SH3RF2: variants seen among roughly 807,000 people sequenced by gnomAD.
SH3RF2 encodes E3 ubiquitin-protein ligase SH3RF2.
Under a neutral mutation model 59.0 loss-of-function variants are expected in SH3RF2, and 43 were observed. That is an observed-to-expected ratio of 0.73 (90% CI 0.57 to 0.94). The LOEUF is 0.94. Ranked by LOEUF, SH3RF2 falls within the 40% of genes least tolerant of loss-of-function variation. SH3RF2 has a pLI of 0.00. For synonymous variants in SH3RF2, 391 were observed against 391.5 expected, an observed-to-expected ratio of 1.00 and a Z score of 0.01; for missense variants, 930 against 940.1, an observed-to-expected ratio of 0.99 and a Z score of 0.14.
chr5:145,980,897 C>A (rs2149969055), intron 2 of SH3RF2, among the ~76,000 whole-genome samples: 1 of 152,258 alleles, frequency 6.6e-6, no homozygotes, highest in Admixed American at 6.5e-5. Flanking sequence ...GCATCTATAT[C>A]CCATTCACTT....
chr5:146,076,767 C>T lies in SH3RF2; in HGVS notation c.*34-1693C>T, dbSNP rs1206717854. Among the ~76,000 whole-genome samples the T allele has an allele frequency of 2.6e-5, 4 of 152,234 alleles. No homozygotes were observed. The South Asian group carries it at 6.2e-4, about 24-fold the overall frequency. On this transcript the variant is annotated intron_variant, in intron 9 of 9. Coordinates refer to the SH3RF2 transcript ENST00000511217. ...GGTTGTCTGCTTGAAAATTGGGGCT[C>T]CTCTGGTACATTCAGTCTCTGGAGC...
chr5:145,984,345 C>T (rs1745314923), intron 2 of SH3RF2, among the ~76,000 whole-genome samples: 1 of 151,988 alleles, frequency 6.6e-6, no homozygotes, highest in African/African-American at 2.4e-5. Flanking sequence ...CAATGGCTTA[C>T]AAAAGAGGAA....
At chr5:145,971,611 A>G (rs1209147221) in intron 2 of SH3RF2, among the ~76,000 whole-genome samples, 1 of 152,172 alleles carries the variant, frequency 6.6e-6, no homozygotes, top group East Asian at 1.9e-4. Flanking sequence ...GGCCCAGCAG[A>G]AATATAAAGC....
In SH3RF2 at chr5:146,055,992, G is replaced by A; in HGVS notation, c.1334G>A (p.Ser445Asn). Residue 445 changes from serine to asparagine, a missense_variant, in exon 8 of 10, where the codon AGT becomes AAT. Physicochemically the swap from Ser to Asn is conservative, Grantham distance 46. Transcript: ENST00000359120. ...TTTTCCAAAACCAGAAAGACCTCTAGTTTTCCAGACTCCCGGAGCCCTGGT... is the reference window on the plus strand; with the variant it reads ...TTTTCCAAAACCAGAAAGACCTCTAATTTTCCAGACTCCCGGAGCCCTGGT... ...YVIPIFRKTS[S>N]FPDSRSPGLY... The A allele has an allele frequency of 6.2e-7, 1 of 1,611,672 alleles. No individual in the cohort carries two copies. Among genetic ancestry groups the A allele is most frequent in the Non-Finnish European group, 8.5e-7 (1 of 1,179,082 alleles).
chr5:146,078,863 C>G (rs34585648), exon 10 of SH3RF2: 1,838 of 152,314 alleles, frequency 0.012, 37 homozygotes, highest in African/African-American at 0.039. Flanking sequence ...GTGGTCTGGC[C>G]TGTCTCTCCA....
chr5:145,958,197 T>C (rs1195178498), intron 2 of SH3RF2, among the ~76,000 whole-genome samples: 1 of 152,160 alleles, frequency 6.6e-6, no homozygotes, highest in African/African-American at 2.4e-5. Context: ...TCACTAGAAC[T>C]CTTGGAGCCT....
In SH3RF2 at chr5:145,995,112, C is replaced by G. The variant is rs1041063930; in HGVS notation, c.379-4946C>G. ...CAGGATGGGTGTGGAAGCTCTGAAA[C>G]CCAGGCCCCTTCCCTATTAGGTGTG... On this transcript the variant is annotated intron_variant, in intron 2 of 9. Coordinates refer to ENST00000359120, the MANE Select transcript of SH3RF2 (RefSeq NM_152550.4). 2.0e-5 allele frequency among the ~76,000 whole-genome samples: 3 copies of G among 152,008 alleles called. No homozygotes were observed. In the South Asian group the frequency reaches 6.2e-4, roughly 32 times the overall value.
At chr5:145,959,110 G>A (rs1296815556) in intron 2 of SH3RF2, among the ~76,000 whole-genome samples, 1 of 152,136 alleles carries the variant, frequency 6.6e-6, no homozygotes, top group African/African-American at 2.4e-5. Flanking sequence ...ACATGAAAGG[G>A]ATGAAAAAGG....
chr5:146,046,177 T>C (rs1452498965), intron 5 of SH3RF2, among the ~76,000 whole-genome samples: 2 of 152,152 alleles, frequency 1.3e-5, no homozygotes, highest in Admixed American at 6.5e-5. Context: ...TCACAATCCT[T>C]TATACAATTG....
chr5:145,998,319 T>C (rs561765641), intron 2 of SH3RF2, among the ~76,000 whole-genome samples: 24 of 150,190 alleles, frequency 1.6e-4, no homozygotes, highest in Admixed American at 1.0e-3. Flanking sequence ...CCAGTGAGAC[T>C]AAAATCTGAA....
chr5:145,975,583 C>G (rs999212284), intron 2 of SH3RF2, among the ~76,000 whole-genome samples: 3 of 152,212 alleles, frequency 2.0e-5, no homozygotes, highest in African/African-American at 7.2e-5. Context: ...CAGCTGGTTC[C>G]CTCTGTGCAC....
chr5:146,073,754 A>G (rs574646601), intron 9 of SH3RF2, among the ~76,000 whole-genome samples: 36 of 152,272 alleles, frequency 2.4e-4, no homozygotes, highest in African/African-American at 8.7e-4. Flanking sequence ...CAACACAGAT[A>G]AGGTTCCTAC....
At chr5:145,955,135 G>A (rs1317012929) in intron 2 of SH3RF2, among the ~76,000 whole-genome samples, 3 of 152,168 alleles carry the variant, frequency 2.0e-5, no homozygotes, top group South Asian at 2.1e-4. Flanking sequence ...TATCAGTAAC[G>A]AAGGGGGTTG....
At chr5:146,064,029 A>C (rs913129796), downstream of SH3RF2, among the ~76,000 whole-genome samples, 3 of 152,154 alleles carry the variant, frequency 2.0e-5, no homozygotes, top group East Asian at 3.9e-4. Context: ...CAAGGCAACA[A>C]CACCAGTGCG....
chr5:146,004,929 C>G (rs1561736511), intron 4 of SH3RF2, among the ~76,000 whole-genome samples: 1 of 152,000 alleles, frequency 6.6e-6, no homozygotes, highest in African/African-American at 2.4e-5. Flanking sequence ...TGTTACATGT[C>G]TTTTATCACA....
intron 7 of SH3RF2, among the ~76,000 whole-genome samples, chr5:146,051,847 T>G (rs1276847095): frequency 6.6e-6 from 1 of 152,174 alleles, no homozygotes; most frequent in Admixed American, 6.5e-5. Flanking sequence ...TGGGATGAGT[T>G]GTATCCAGAG....
At chr5:145,936,788 G>A (rs941743952) in intron 1 of SH3RF2, 94 bp downstream of exon 1, 1 of 152,312 alleles carries the variant, frequency 6.6e-6, no homozygotes, top group African/African-American at 2.4e-5. Flanking sequence ...CTCATTCTCG[G>A]TCGTGTCTGT....
intron 7 of SH3RF2, among the ~76,000 whole-genome samples, chr5:146,052,968 A>C (rs1235461626): frequency 6.6e-6 from 1 of 152,014 alleles, no homozygotes; most frequent in African/African-American, 2.4e-5. Context: ...ATGGCTCTTC[A>C]CTGCCATCCA....
At chr5:146,053,385 A>G (rs946047231) in intron 7 of SH3RF2, among the ~76,000 whole-genome samples, 9 of 151,808 alleles carry the variant, frequency 5.9e-5, no homozygotes, top group Non-Finnish European at 1.2e-4. Context: ...AATAGCGGCA[A>G]CATCCCTTTG....
Sources: allele counts gnomAD v4.1 joint callset (sites outside exome capture counted in the v4.1 genomes callset), GRCh38; gene constraint gnomAD v4.1.1; transcripts MANE v1.5; gene names NCBI Gene and HGNC (gene_info 2026-07-23, HGNC 2026-07-21).